The following EPC1 variants were observed in gnomAD, a reference collection of about 807,000 sequenced individuals.
EPC1 encodes enhancer of polycomb homolog 1.
EPC1 carries 12 observed loss-of-function variants against 98.4 expected under a neutral mutation model. The ratio of observed to expected loss-of-function variants is 0.12; its 90% confidence interval spans 0.08 to 0.20. The LOEUF (loss-of-function observed/expected upper bound fraction) is 0.20. EPC1 is among the 10% of genes least tolerant of loss of function. The probability of loss-of-function intolerance (pLI) is 1.00; values close to 1 mark genes in which losing one functional copy is unlikely to be tolerated. For missense variants in EPC1, 729 were observed against 990.5 expected, an observed-to-expected ratio of 0.74 and a Z score of 3.54; for synonymous variants, 357 against 363.9, an observed-to-expected ratio of 0.98 and a Z score of 0.21.
chr10:32,338,958 T>A (rs1357045995), intron 1 of EPC1, among the ~76,000 whole-genome samples: 2 of 149,410 alleles, frequency 1.3e-5, no homozygotes, highest in South Asian at 2.1e-4. Context: ...AATAAATAAA[T>A]AAATAAAATA....
At chr10:32,359,879 T>A (rs1005630926) in intron 1 of EPC1, among the ~76,000 whole-genome samples, 2 of 152,218 alleles carry the variant, frequency 1.3e-5, no homozygotes, top group African/African-American at 2.4e-5. Context: ...CATTCATATG[T>A]TTGTATCATT....
intron 10 of EPC1, among the ~76,000 whole-genome samples, chr10:32,279,355 A>G (rs1211949377): frequency 6.6e-6 from 1 of 151,780 alleles, no homozygotes; most frequent in Non-Finnish European, 1.5e-5. Context: ...CTTAAAAAAA[A>G]AAAAAAAAGA....
At chr10:32,308,919 T>A (rs1389237857) in intron 1 of EPC1, among the ~76,000 whole-genome samples, 1 of 152,118 alleles carries the variant, frequency 6.6e-6, no homozygotes, top group African/African-American at 2.4e-5. Flanking sequence ...AAAGGAAATG[T>A]GGAACTACAC....
intron 2 of EPC1, among the ~76,000 whole-genome samples, chr10:32,295,028 T>A (rs1835066361): frequency 6.6e-6 from 1 of 152,184 alleles, no homozygotes; most frequent in Non-Finnish European, 1.5e-5. Flanking sequence ...AATCCTTTTT[T>A]GATTTTTCCC....
At chr10:32,279,303 G>A (rs1190813320) in intron 10 of EPC1, among the ~76,000 whole-genome samples, 4 of 150,968 alleles carry the variant, frequency 2.6e-5, no homozygotes, top group East Asian at 1.9e-4. Flanking sequence ...AGCCAAGATC[G>A]TGCTACTGCA....
intron 9 of EPC1, 53 bp downstream of exon 9, chr10:32,286,641 A>C: frequency 6.3e-7 from 1 of 1,592,238 alleles, no homozygotes; most frequent in Admixed American, 1.7e-5. Context: ...AGTTAGATTC[A>C]ATCACCCTAA....
At chr10:32,378,609 T>A (rs779874705) in exon 1 of EPC1, 242 of 684,956 alleles carry the variant, frequency 3.5e-4, no homozygotes, top group Non-Finnish European at 5.0e-4. Context: ...CCAACATCTT[T>A]AAAATGTTTG....
chr10:32,299,915 G>A (rs764141263), intron 2 of EPC1, among the ~76,000 whole-genome samples: 1 of 146,826 alleles, frequency 6.8e-6, no homozygotes, highest in African/African-American at 2.5e-5. Flanking sequence ...GCAAAAATGA[G>A]TTTTTTTTTT....
chr10:32,271,399 G>A (rs1039089276), intron 13 of EPC1, among the ~76,000 whole-genome samples, 155 bp downstream of exon 13: 1 of 152,154 alleles, frequency 6.6e-6, no homozygotes, highest in Non-Finnish European at 1.5e-5. Flanking sequence ...GAACTGTTTA[G>A]TTCTTGAATA....
rs543754415 is a variant in EPC1, at chr10:32,335,152, A to G, written c.153+11611T>C. Among the ~76,000 whole-genome samples the G allele has an allele frequency of 2.5e-4, 38 of 152,218 alleles. No homozygotes were observed. In the South Asian group the frequency reaches 7.7e-3, roughly 31 times the overall value. On this transcript the variant is annotated intron_variant, in intron 1 of 13. Coordinates refer to ENST00000319778, the MANE Select transcript of EPC1 (RefSeq NM_001272004.3). ...AGAATGGTCCTCTACAGTTTAGAAT[A>G]TCTAGCAGGAGGGTTATCTTGTATT...
intron 1 of EPC1, among the ~76,000 whole-genome samples, chr10:32,352,751 C>A (rs1035809689): frequency 1.5e-4 from 23 of 152,160 alleles, no homozygotes; most frequent in African/African-American, 5.6e-4. Flanking sequence ...ACTTTAAATG[C>A]ATTATCTCAA....
At position 32,305,880 on chromosome 10, in the gene EPC1, T is replaced by G; in HGVS notation, c.205A>C (p.Arg69=). The G allele has an allele frequency of 1.2e-6, 2 of 1,612,826 alleles. No individual in the cohort carries two copies. Among genetic ancestry groups the G allele is most frequent in the Non-Finnish European group, 1.7e-6 (2 of 1,179,526 alleles). Residue 69 remains arginine (R), a synonymous_variant, in exon 2 of 14, where the codon AGG becomes CGG. Transcript: ENST00000319778. The part of the protein sequence containing the change: ...ISAQQVYGEK[R]DNMVIPVPEA... ...GGGACCGGTATAACCATATTATCCC[T>G]CTTCTCGCCATACACCTGCTGTGCT...
At chr10:32,312,351 A>G (rs894607624) in intron 1 of EPC1, among the ~76,000 whole-genome samples, 4 of 152,234 alleles carry the variant, frequency 2.6e-5, no homozygotes, top group Non-Finnish European at 2.9e-5. Context: ...ATTTAATGAC[A>G]TGCACAAACC....
intron 2 of EPC1, among the ~76,000 whole-genome samples, chr10:32,301,589 CA>C (rs1835546590): frequency 6.6e-6 from 1 of 152,132 alleles, no homozygotes; most frequent in South Asian, 2.1e-4. Flanking sequence ...ACACAGAAAT[CA>C]ATTGAATAGA....
intron 2 of EPC1, among the ~76,000 whole-genome samples, chr10:32,301,992 G>A (rs1424293705): frequency 6.6e-6 from 1 of 152,158 alleles, no homozygotes; most frequent in African/African-American, 2.4e-5. Context: ...AAAATTTCGC[G>A]GCTGGAGGTG....
chr10:32,329,234 C>T (rs754132852), intron 1 of EPC1, among the ~76,000 whole-genome samples: 6 of 152,198 alleles, frequency 3.9e-5, no homozygotes, highest in South Asian at 2.1e-4. Context: ...ACATTTCCAG[C>T]GCTCTCTTTC....
At chr10:32,360,281 A>G (rs1235149255) in intron 1 of EPC1, among the ~76,000 whole-genome samples, 1 of 152,216 alleles carries the variant, frequency 6.6e-6, no homozygotes, top group Non-Finnish European at 1.5e-5. Flanking sequence ...GTATATGTCT[A>G]CAAGGAGCCC....
chr10:32,280,252 C>G (rs986141586), intron 10 of EPC1, among the ~76,000 whole-genome samples: 2 of 152,168 alleles, frequency 1.3e-5, no homozygotes, highest in African/African-American at 4.8e-5. Flanking sequence ...GTCAGGAGTT[C>G]AAGACCAGCT....
chr10:32,293,126 T>C lies in EPC1; in HGVS notation c.528A>G (p.Glu176=). ...EDDELIREVY[E]YWIKKRKNCR... is the part of the protein sequence containing the mutation. Reference sequence around the variant, plus strand: ...AGTTTTTTCTCTTTTTAATCCAATATTCATAAACTTCTCTAATTAGTTCAT... The same window carrying C: ...AGTTTTTTCTCTTTTTAATCCAATACTCATAAACTTCTCTAATTAGTTCAT... The change falls in exon 4 of 14, where the codon GAA becomes GAG. Residue 176 remains glutamate (E), a synonymous_variant. Transcript: ENST00000319778. 6.2e-7 allele frequency: 1 copy of C among 1,613,538 alleles called. No individual in the cohort carries two copies. The highest frequency in any genetic ancestry group is 1.3e-5 in the African/African-American group (1 of 75,026).
Sources: gnomAD v4.1 joint callset for allele counts (sites outside exome capture counted in the v4.1 genomes callset) on GRCh38, gnomAD v4.1.1 for gene constraint, MANE v1.5 for transcripts, NCBI Gene and HGNC (gene_info 2026-07-23, HGNC 2026-07-21) for gene names.